The following OLA1 variants were observed in gnomAD, a reference collection of about 807,000 sequenced individuals.
The protein encoded by OLA1 is Obg like ATPase 1.
Under a neutral mutation model 48.4 loss-of-function variants are expected in OLA1, and 14 were observed. The observed-to-expected ratio is 0.29, with a 90% CI of 0.19 to 0.45. The LOEUF is 0.45. Among genes scored for constraint, OLA1 ranks in the 20% least tolerant of loss-of-function variants. The probability of loss-of-function intolerance (pLI) is 1.00; values close to 1 mark genes in which losing one functional copy is unlikely to be tolerated. For missense variants in OLA1, 325 were observed against 467.1 expected (o/e 0.70, Z 2.80); for synonymous variants, 127 against 150.4 (o/e 0.84, Z 1.14).
intron 7 of OLA1, among the ~76,000 whole-genome samples, chr2:174,097,215 C>A (rs1046255368): frequency 2.0e-5 from 3 of 151,874 alleles, no homozygotes; most frequent in African/African-American, 7.3e-5. Context: ...AGAAGTCTTG[C>A]CTAACTGAAT....
At chr2:174,145,574 T>C (rs116163240) in intron 4 of OLA1, among the ~76,000 whole-genome samples, 1 of 152,316 alleles carries the variant, frequency 6.6e-6, no homozygotes, top group Non-Finnish European at 1.5e-5. Flanking sequence ...TGGTCTTTAA[T>C]GTTTATCTTT....
At chr2:174,224,344 G>A (rs1157750720) in intron 3 of OLA1, among the ~76,000 whole-genome samples, 5 of 152,286 alleles carry the variant, frequency 3.3e-5, no homozygotes, top group South Asian at 2.1e-4. Flanking sequence ...AGAGCCCAGC[G>A]CTTTGGAGAA....
chr2:174,162,088 G>A (rs1687024952), intron 4 of OLA1, among the ~76,000 whole-genome samples: 1 of 152,180 alleles, frequency 6.6e-6, no homozygotes. Flanking sequence ...GAAGTTCACA[G>A]AGGATATGGA....
At position 174,229,417 on chromosome 2, in the gene OLA1, G is replaced by C. The variant is rs755411975; in HGVS notation, c.136C>G (p.Gln46Glu). 1.2e-6 allele frequency: 2 copies of C among 1,613,238 alleles called. No homozygotes were observed. The highest frequency in any genetic ancestry group is 1.7e-6 in the Non-Finnish European group (2 of 1,179,490). Reference protein sequence around the residue: ...STFFNVLTNSQASAENFPFCT... With the variant: ...STFFNVLTNSEASAENFPFCT... The stretch of plus-strand genomic sequence containing the variant: ...AACGGGAAGTTTTCTGCTGAAGCCT[G>C]ACTATTGGTTAACACATTGAAGAAA... The change falls in exon 3 of 11, where the codon CAG (glutamine) becomes GAG (glutamate). Residue 46 changes from glutamine to glutamate, a missense_variant. Transcript: ENST00000284719.
intron 4 of OLA1, 61 bp downstream of exon 4, chr2:174,222,972 C>T (rs1457791851): frequency 5.3e-6 from 8 of 1,505,450 alleles, no homozygotes; most frequent in Non-Finnish European, 7.2e-6. Flanking sequence ...TATTTGTGCA[C>T]TAATGGAAAG....
At chr2:174,155,731 A>G (rs1236865008) in intron 4 of OLA1, among the ~76,000 whole-genome samples, 1 of 152,246 alleles carries the variant, frequency 6.6e-6, no homozygotes, top group East Asian at 1.9e-4. Context: ...CAATGAATGT[A>G]GCAATAAAAA....
intron 2 of OLA1, among the ~76,000 whole-genome samples, chr2:174,230,460 A>G (rs1181311463): frequency 6.6e-6 from 1 of 152,216 alleles, no homozygotes; most frequent in Non-Finnish European, 1.5e-5. Context: ...AACTTAGAAT[A>G]GCACCATTCT....
chr2:174,179,765 G>A (rs1411808837), intron 4 of OLA1, among the ~76,000 whole-genome samples: 1 of 152,028 alleles, frequency 6.6e-6, no homozygotes, highest in East Asian at 1.9e-4. Context: ...ATCTGACACT[G>A]TAAGCACTTA....
chr2:174,201,832 C>T (rs1687996934), intron 4 of OLA1, among the ~76,000 whole-genome samples: 1 of 152,116 alleles, frequency 6.6e-6, no homozygotes, highest in African/African-American at 2.4e-5. Flanking sequence ...CTGGGTAAAA[C>T]AGCTCCTTTT....
chr2:174,098,925 G>A (rs754604462), intron 7 of OLA1, among the ~76,000 whole-genome samples: 4 of 152,052 alleles, frequency 2.6e-5, no homozygotes, highest in African/African-American at 7.2e-5. Flanking sequence ...GAGAAGGCAG[G>A]TCTAAGCACT....
chr2:174,122,785 G>A (rs187884509), intron 7 of OLA1, among the ~76,000 whole-genome samples: 22 of 143,306 alleles, frequency 1.5e-4, no homozygotes, highest in Admixed American at 4.2e-4. Flanking sequence ...TAAAATTCAT[G>A]CCCAGCTACA....
At chr2:174,138,780 A>G (rs1686369713) in intron 5 of OLA1, among the ~76,000 whole-genome samples, 1 of 152,246 alleles carries the variant, frequency 6.6e-6, no homozygotes, top group African/African-American at 2.4e-5. Flanking sequence ...TTATGTTAAT[A>G]CCAGTTTTAA....
chr2:174,120,585 G>A (rs762926272), intron 7 of OLA1, among the ~76,000 whole-genome samples: 1 of 152,140 alleles, frequency 6.6e-6, no homozygotes. Context: ...ATAAATCAAT[G>A]AAATGACTAA....
In OLA1 at chr2:174,075,338, T is replaced by G. The variant is rs1481601979; in HGVS notation, c.*88A>C. 1 of 712,360 alleles carries G rather than the reference T, an allele frequency of 1.4e-6. No homozygotes were observed. The highest frequency in any genetic ancestry group is 2.4e-6 in the Non-Finnish European group (1 of 413,774). The allele number at this position is 712,360 out of a possible 1,614,324, so 44.1% of individuals were successfully genotyped here. ...AAAGATTCCCATCTCCCCAACTTTATTTGTCGCATTGGTTTTCAGAAATTT... is the reference window on the plus strand; with the variant it reads ...AAAGATTCCCATCTCCCCAACTTTAGTTGTCGCATTGGTTTTCAGAAATTT... On this transcript the variant is annotated 3_prime_UTR_variant, in exon 11 of 11. Transcript: ENST00000284719.
At chr2:174,121,524 C>T (rs1201452092) in intron 7 of OLA1, among the ~76,000 whole-genome samples, 5 of 152,090 alleles carry the variant, frequency 3.3e-5, no homozygotes, top group Admixed American at 3.3e-4. Flanking sequence ...CCAACCCTCC[C>T]CCCAAGACAT....
chr2:174,116,912 T>C (rs1685797616), intron 7 of OLA1, among the ~76,000 whole-genome samples: 1 of 152,192 alleles, frequency 6.6e-6, no homozygotes, highest in South Asian at 2.1e-4. Flanking sequence ...AACAATTTTC[T>C]TTAAAAAATC....
At chr2:174,104,256 G>A (rs796971619) in intron 7 of OLA1, among the ~76,000 whole-genome samples, 2 of 151,992 alleles carry the variant, frequency 1.3e-5, no homozygotes, top group African/African-American at 4.8e-5. Flanking sequence ...TAACACTTTT[G>A]TCTTTTTTAA....
intron 4 of OLA1, among the ~76,000 whole-genome samples, chr2:174,164,674 T>G (rs1444445056): frequency 1.3e-5 from 2 of 152,162 alleles, no homozygotes; most frequent in African/African-American, 4.8e-5. Context: ...TTCACAGAAT[T>G]ATCAATAACA....
intron 7 of OLA1, among the ~76,000 whole-genome samples, chr2:174,115,063 T>G (rs1685749682): frequency 6.6e-6 from 1 of 151,678 alleles, no homozygotes; most frequent in African/African-American, 2.4e-5. Flanking sequence ...TCCAGCCTGG[T>G]CAAGAGAGTG....
Sources: allele counts gnomAD v4.1 joint callset (sites outside exome capture counted in the v4.1 genomes callset), GRCh38; gene constraint gnomAD v4.1.1; transcripts MANE v1.5; gene names NCBI Gene and HGNC (gene_info 2026-07-23, HGNC 2026-07-21).